The following CTNNA3 variants were observed in gnomAD, a reference collection of about 807,000 sequenced individuals.
CTNNA3 encodes the protein catenin alpha-3.
Under a neutral mutation model 95.7 loss-of-function variants are expected in CTNNA3, and 76 were observed. The observed-to-expected ratio is 0.79, with a 90% CI of 0.66 to 0.96. CTNNA3 has a LOEUF of 0.96. Among genes scored for constraint, CTNNA3 ranks in the 40% least tolerant of loss-of-function variants. The pLI, the probability that CTNNA3 is intolerant of heterozygous loss-of-function variation, is 0.00. For missense variants in CTNNA3, 1,191 were observed against 1,089.8 expected (o/e 1.09, Z -1.31); for synonymous variants, 431 against 374.4 (o/e 1.15, Z -1.74).
chr10:66,136,501 T>TA (rs1269881238), intron 13 of CTNNA3, among the ~76,000 whole-genome samples: 2 of 152,096 alleles, frequency 1.3e-5, no homozygotes, highest in Non-Finnish European at 2.9e-5. Flanking sequence ...TCTTCACTTT[T>TA]TTTTTTTGGT....
At chr10:66,293,920 C>T (rs867516011) in intron 12 of CTNNA3, among the ~76,000 whole-genome samples, 1 of 152,064 alleles carries the variant, frequency 6.6e-6, no homozygotes, top group African/African-American at 2.4e-5. Context: ...CCACCTCTGC[C>T]TCCCAAAGTG....
At chr10:67,222,660 G>A (rs1388822649) in intron 5 of CTNNA3, among the ~76,000 whole-genome samples, 2 of 152,140 alleles carry the variant, frequency 1.3e-5, no homozygotes, top group East Asian at 1.9e-4. Context: ...ATAGTTTAAT[G>A]TTTAGAAAGG....
At position 66,585,346 on chromosome 10, in the gene CTNNA3, A is replaced by C. The variant is rs191077343; in HGVS notation, c.1374+36346T>G. On this transcript the variant is annotated intron_variant, in intron 10 of 17. Transcript: ENST00000433211. Reference sequence around the variant, plus strand: ...TACAATTCTTATGTTTGGCCATTTTATATAATCCACATATTTCTTGAGACT... The same window carrying C: ...TACAATTCTTATGTTTGGCCATTTTCTATAATCCACATATTTCTTGAGACT... Among the ~76,000 whole-genome samples the C allele has an allele frequency of 1.1e-3, 169 of 152,026 alleles. 1 individual carries two copies. Among genetic ancestry groups the C allele is most frequent in the Non-Finnish European group, 1.3e-3 (85 of 67,944 alleles).
chr10:67,428,507 T>C (rs976148596), intron 5 of CTNNA3, among the ~76,000 whole-genome samples: 2 of 152,064 alleles, frequency 1.3e-5, no homozygotes, highest in Admixed American at 6.6e-5. Context: ...ATATTAGCAT[T>C]ATAACATAGC....
At chr10:67,627,793 T>C (rs1589506387) in intron 2 of CTNNA3, among the ~76,000 whole-genome samples, 1 of 151,876 alleles carries the variant, frequency 6.6e-6, no homozygotes, top group East Asian at 1.9e-4. Context: ...TCAAAATTAC[T>C]TACTTCCTAG....
intron 5 of CTNNA3, among the ~76,000 whole-genome samples, chr10:67,284,877 C>T (rs1839535388): frequency 6.6e-6 from 1 of 152,126 alleles, no homozygotes; most frequent in Non-Finnish European, 1.5e-5. Flanking sequence ...GAAGTCTAAG[C>T]TATGTGAGGA....
intron 7 of CTNNA3, among the ~76,000 whole-genome samples, chr10:66,886,172 A>G (rs1331112765): frequency 6.6e-6 from 1 of 152,144 alleles, no homozygotes; most frequent in Non-Finnish European, 1.5e-5. Flanking sequence ...ATAAATAAAT[A>G]GGAGTGCCAT....
chr10:66,835,433 G>A lies in CTNNA3; in HGVS notation c.1048-59909C>T, dbSNP rs951855176. Among the ~76,000 whole-genome samples the A allele has an allele frequency of 9.9e-5, 15 of 152,232 alleles. 1 individual carries two copies. The highest frequency in any genetic ancestry group is 2.2e-4 in the Non-Finnish European group (15 of 68,040). On this transcript the variant is annotated intron_variant, in intron 7 of 17. Transcript: ENST00000433211. ...TAGGCCTGGGGCCCAGCAATCAATA[G>A]TTTAGCAAACCCTCTAGGGGATTCT...
intron 7 of CTNNA3, among the ~76,000 whole-genome samples, chr10:67,096,967 A>T (rs984416460): frequency 6.6e-6 from 1 of 151,954 alleles, no homozygotes; most frequent in Non-Finnish European, 1.5e-5. Context: ...GTCATGGGTA[A>T]GAATAGCCAG....
intron 5 of CTNNA3, among the ~76,000 whole-genome samples, chr10:67,468,972 A>G (rs1442334275): frequency 6.6e-6 from 1 of 152,206 alleles, no homozygotes; most frequent in South Asian, 2.1e-4. Context: ...TCGTATAAGG[A>G]AGCTTAAGCT....
chr10:66,571,790 C>A (rs1416842163), intron 10 of CTNNA3, among the ~76,000 whole-genome samples: 1 of 152,054 alleles, frequency 6.6e-6, no homozygotes, highest in African/African-American at 2.4e-5. Context: ...CCATAACAAC[C>A]TTGTTATGCA....
At chr10:66,110,007 T>A (rs902583450) in intron 13 of CTNNA3, among the ~76,000 whole-genome samples, 4 of 152,124 alleles carry the variant, frequency 2.6e-5, no homozygotes, top group Admixed American at 2.0e-4. Flanking sequence ...ATGAAATGAT[T>A]AAATTCTAAT....
intron 9 of CTNNA3, among the ~76,000 whole-genome samples, chr10:66,656,976 T>C (rs1262728138): frequency 6.6e-6 from 1 of 152,168 alleles, no homozygotes; most frequent in African/African-American, 2.4e-5. Flanking sequence ...CCACACTTCA[T>C]ACTCTTGCAC....
chr10:67,278,831 C>T (rs1839286610), intron 5 of CTNNA3, among the ~76,000 whole-genome samples: 1 of 151,990 alleles, frequency 6.6e-6, no homozygotes, highest in Non-Finnish European at 1.5e-5. Flanking sequence ...CCTTCTTATC[C>T]TATAGTCAGA....
At chr10:66,113,757 AC>A (rs1256579646) in intron 13 of CTNNA3, among the ~76,000 whole-genome samples, 5 of 152,346 alleles carry the variant, frequency 3.3e-5, no homozygotes, top group African/African-American at 9.6e-5. Context: ...CATGCTGAAT[AC>A]AATTTTAGAT....
At chr10:67,042,160 T>G (rs1041578232) in intron 7 of CTNNA3, among the ~76,000 whole-genome samples, 1 of 152,144 alleles carries the variant, frequency 6.6e-6, no homozygotes. Context: ...ATGTGTTTTA[T>G]GTATACATTA....
intron 2 of CTNNA3, among the ~76,000 whole-genome samples, chr10:67,641,397 A>G (rs1422566777): frequency 2.0e-5 from 3 of 151,322 alleles, no homozygotes; most frequent in Non-Finnish European, 4.4e-5. Flanking sequence ...GAACACTTTT[A>G]CACTATTGGT....
intron 5 of CTNNA3, among the ~76,000 whole-genome samples, chr10:67,283,054 G>A (rs1839460490): frequency 6.6e-6 from 1 of 152,152 alleles, no homozygotes; most frequent in Non-Finnish European, 1.5e-5. Context: ...CCAGAAGGAA[G>A]GACTGCTGCA....
intron 9 of CTNNA3, among the ~76,000 whole-genome samples, chr10:66,749,010 A>T (rs77271660): frequency 8.6e-6 from 1 of 116,458 alleles, no homozygotes; most frequent in Non-Finnish European, 1.7e-5. Flanking sequence ...CATCTCTTCC[A>T]AAAAAAAAAA....
Sources: gnomAD v4.1 joint callset for allele counts (sites outside exome capture counted in the v4.1 genomes callset) on GRCh38, gnomAD v4.1.1 for gene constraint, MANE v1.5 for transcripts, NCBI Gene and HGNC (gene_info 2026-07-23, HGNC 2026-07-21) for gene names.